The following XPO1 variants were observed in gnomAD, a reference collection of about 807,000 sequenced individuals.
XPO1 encodes exportin 1, also known as exportin-1.
Under a neutral mutation model 133.3 loss-of-function variants are expected in XPO1, and 5 were observed. The ratio of observed to expected loss-of-function variants is 0.04; its 90% CI spans 0.02 to 0.08. The LOEUF is 0.08. Among genes scored for constraint, XPO1 ranks in the 10% least tolerant of loss-of-function variants. The pLI is 1.00. For missense variants in XPO1, 506 were observed against 1,267.5 expected (o/e 0.40, Z 9.12); for synonymous variants, 419 against 408.2 (o/e 1.03, Z -0.32).
At position 61,481,297 on chromosome 2, in the gene XPO1, CAAT is replaced by C; in HGVS notation, c.2973-19_2973-17del. On this transcript the variant is annotated splice_polypyrimidine_tract_variant and intron_variant, in intron 23 of 24. Coordinates refer to ENST00000401558, the MANE Select transcript of XPO1 (RefSeq NM_003400.4). ...TACTTGAGCACTGCAAATCAAAACA[CAAT>C]GATTAAATAATGATTTATTTTTCCC... The C allele has an allele frequency of 6.3e-7, 1 of 1,581,736 alleles. No individual in the cohort carries two copies. The highest frequency in any genetic ancestry group is 8.6e-7 in the Non-Finnish European group (1 of 1,159,096).
chr2:61,527,210 C>T (rs1328951044), intron 2 of XPO1, among the ~76,000 whole-genome samples: 1 of 150,730 alleles, frequency 6.6e-6, no homozygotes, highest in Non-Finnish European at 1.5e-5. Flanking sequence ...TGTTTCATGC[C>T]TGTAATCCCA....
chr2:61,488,393 T>C (rs1243250130), intron 18 of XPO1, 122 bp from the exon 19 acceptor site: 2 of 1,221,014 alleles, frequency 1.6e-6, no homozygotes, highest in South Asian at 1.5e-5. Flanking sequence ...GTTCACAAAA[T>C]TTATTGGGAA....
chr2:61,538,058 G>T lies in XPO1; in HGVS notation c.-503C>A. The T allele has an allele frequency of 2.1e-5, 1 of 47,360 alleles. No homozygotes were observed. The highest frequency in any genetic ancestry group is 1.2e-4 in the African/African-American group (1 of 8,074). The allele number at this position is 47,360 out of a possible 1,614,324, so 2.9% of individuals were successfully genotyped here. On this transcript the variant is annotated 5_prime_UTR_variant, in exon 1 of 25. Transcript: ENST00000401558. ...CGGCGCTGGCCCCCCCCCCCCCAAG[G>T]CTCGCCTAAACTTTCCCCCCTTCTC...
Position 61,498,977 on chromosome 2 carries a change from A to T in XPO1, c.591-64T>A, listed in dbSNP as rs1304085979. 2.0e-6 allele frequency: 3 copies of T among 1,476,326 alleles called. No individual in the cohort carries two copies. In the South Asian group the frequency reaches 4.0e-5, roughly 20 times the overall value. 91.5% of individuals were successfully genotyped at this position (1,476,326 alleles called of 1,614,324 possible). ...ACACAGAAATAAGTATCAGTTATCT[A>T]TAATACTAATAAAAATGATTAAAGC... On this transcript the variant is annotated intron_variant, in intron 7 of 24. Transcript: ENST00000401558.
rs1407483972 is a variant in XPO1 at position 61,498,291 on chromosome 2, C to T, written c.759+382G>A. ...TATTTTTAGTAGAGACCGGTTTCACCAACTTGCCCAGGCTAAACCATTATA... is the reference window on the plus strand; with the variant it reads ...TATTTTTAGTAGAGACCGGTTTCACTAACTTGCCCAGGCTAAACCATTATA... On this transcript the variant is annotated intron_variant, in intron 9 of 24. Coordinates refer to ENST00000401558, the MANE Select transcript of XPO1 (RefSeq NM_003400.4). 5.3e-5 allele frequency among the ~76,000 whole-genome samples: 8 copies of T among 152,160 alleles called. No homozygotes were observed. The East Asian group carries it at 1.5e-3, about 29-fold the overall frequency.
intron 4 of XPO1, among the ~76,000 whole-genome samples, chr2:61,510,501 C>T (rs1698036125): frequency 6.6e-6 from 1 of 152,120 alleles, no homozygotes; most frequent in Non-Finnish European, 1.5e-5. Context: ...ATTTAACCTG[C>T]TTTGATAATG....
intron 4 of XPO1, among the ~76,000 whole-genome samples, chr2:61,518,828 TG>T (rs1698542427): frequency 6.6e-6 from 1 of 152,126 alleles, no homozygotes. Flanking sequence ...TCCAGAGAAA[TG>T]TAATAAATTT....
chr2:61,523,492 A>G (rs780699042), intron 3 of XPO1, among the ~76,000 whole-genome samples: 9 of 152,350 alleles, frequency 5.9e-5, no homozygotes, highest in Non-Finnish European at 1.0e-4. Flanking sequence ...AGGAGTTACT[A>G]CCTGAATTAC....
At chr2:61,506,258 T>A (rs564172686) in intron 4 of XPO1, among the ~76,000 whole-genome samples, 1 of 151,994 alleles carries the variant, frequency 6.6e-6, no homozygotes, top group African/African-American at 2.4e-5. Flanking sequence ...CTGTCTCTAA[T>A]AAAAATACAA....
intron 1 of XPO1, 193 bp from the exon 2 acceptor site, chr2:61,534,096 A>G (rs1186000355): frequency 2.0e-6 from 1 of 496,152 alleles, no homozygotes; most frequent in Non-Finnish European, 3.3e-6. Flanking sequence ...TGATAATTAC[A>G]TAAATTATTA....
rs1045084511 is a variant in XPO1 at position 61,501,363 on chromosome 2, C to T, written c.408+633G>A. On this transcript the variant is annotated intron_variant, in intron 6 of 24. Coordinates refer to ENST00000401558, the MANE Select transcript of XPO1 (RefSeq NM_003400.4). ...TAAGCATGGAAATCAATTAGAAGGA[C>T]GAGGAAATCAAAGGACTCAGAGACA... Among the ~76,000 whole-genome samples the T allele has an allele frequency of 1.8e-4, 28 of 151,894 alleles. No individual in the cohort carries two copies. In the Middle Eastern group the frequency reaches 0.01, roughly 55 times the overall value.
Position 61,492,632 on chromosome 2 carries a change from T to C in XPO1, c.1501A>G (p.Ile501Val), listed in dbSNP as rs772593427. The C allele has an allele frequency of 2.7e-5, 43 of 1,613,856 alleles. No individual in the cohort carries two copies. Among genetic ancestry groups the C allele is most frequent in the Non-Finnish European group, 3.5e-5 (41 of 1,179,986 alleles). The change falls in exon 14 of 25, where the codon ATA (isoleucine) becomes GTA (valine). Residue 501 changes from isoleucine to valine, a missense_variant. Around this residue, in one of 6 missense-constraint regions of XPO1, gnomAD observed 21 missense variants for 198.1 expected, o/e 0.11. Coordinates refer to ENST00000401558, the MANE Select transcript of XPO1 (RefSeq NM_003400.4). This position sits in a 1 kb window ranked among gnomAD's most constrained non-coding sequence, Gnocchi z 5.6. ...TGCATTGCTCCACTAATGGAGCCTA[T>C]TGCCCAACACAATGTATTCAAATTT... ...WKNLNTLCWA[I>V]GSISGAMHEE...
intron 3 of XPO1, chr2:61,525,622 GC>G: frequency 3.9e-6 from 4 of 1,021,112 alleles, no homozygotes; most frequent in Non-Finnish European, 4.7e-6. Context: ...AATTTACCAG[GC>G]AAGCAAACAG....
intron 3 of XPO1, 159 bp downstream of exon 3, chr2:61,526,261 G>T: frequency 7.0e-7 from 1 of 1,429,784 alleles, no homozygotes; most frequent in South Asian, 1.5e-5. Context: ...AGGACTATTT[G>T]CAAGAATTAA....
chr2:61,495,325 A>T, intron 11 of XPO1, 130 bp downstream of exon 11: 1 of 628,232 alleles, frequency 1.6e-6, no homozygotes, highest in Non-Finnish European at 2.3e-6. Flanking sequence ...TTGAGAATAT[A>T]TATAATGTAC....
rs757946212 is a variant in XPO1, at chr2:61,492,013, A to G, written c.1887+22T>C. On this transcript the variant is annotated intron_variant, in intron 16 of 24. Coordinates refer to ENST00000401558, the MANE Select transcript of XPO1 (RefSeq NM_003400.4). The surrounding 1 kb of genome is among the most constrained non-coding windows in gnomAD (Gnocchi z 5.6). ...ACAAGTGTTACTTTCTAAAAATAAC[A>G]TATGCTCAGTGCTTAACATACCTGT... The G allele has an allele frequency of 1.2e-6, 2 of 1,612,678 alleles. No individual in the cohort carries two copies. Among genetic ancestry groups the G allele is most frequent in the Non-Finnish European group, 1.7e-6 (2 of 1,179,220 alleles).
chr2:61,533,384 TA>T (rs1699241163), intron 2 of XPO1, among the ~76,000 whole-genome samples: 1 of 152,188 alleles, frequency 6.6e-6, no homozygotes, highest in Non-Finnish European at 1.5e-5. Flanking sequence ...TCAACTAACA[TA>T]AAAATACTTG....
chr2:61,490,615 C>G (rs1696934342), intron 17 of XPO1, 27 bp downstream of exon 17: 4 of 1,613,336 alleles, frequency 2.5e-6, no homozygotes, highest in Non-Finnish European at 3.4e-6. Context: ...CCCATGAAAA[C>G]TTTTAAGAAA....
chr2:61,514,675 A>G (rs1012011460), intron 4 of XPO1, among the ~76,000 whole-genome samples: 10 of 151,956 alleles, frequency 6.6e-5, no homozygotes, highest in Non-Finnish European at 1.3e-4. Flanking sequence ...AACTAAAAAC[A>G]TTGTCTATAC....
Sources: gnomAD v4.1 joint callset for allele counts (sites outside exome capture counted in the v4.1 genomes callset) on GRCh38, gnomAD v4.1.1 for gene constraint, gnomAD v4.1.1 regional missense constraint, Gnocchi (gnomAD v3.1) non-coding constraint, MANE v1.5 for transcripts, NCBI Gene and HGNC (gene_info 2026-07-23, HGNC 2026-07-21) for gene names.